The following WDR19 variants were observed in gnomAD, a reference collection of about 807,000 sequenced individuals.
WDR19 encodes WD repeat-containing protein 19.
A neutral mutation model predicts 180.0 loss-of-function variants in WDR19; 121 were observed. The observed-to-expected ratio is 0.67, with a 90% confidence interval of 0.58 to 0.78. The LOEUF (loss-of-function observed/expected upper bound fraction) is 0.78. Ranked by LOEUF, WDR19 falls within the 30% of genes least tolerant of loss-of-function variation. WDR19 has a pLI of 0.00. For missense variants in WDR19, 1,450 were observed against 1,640.7 expected (o/e 0.88, Z 2.01); for synonymous variants, 497 against 540.7 (o/e 0.92, Z 1.12).
At chr4:39,187,205 G>A (rs866440508) in intron 3 of WDR19, among the ~76,000 whole-genome samples, 44 of 152,128 alleles carry the variant, frequency 2.9e-4, no homozygotes, top group African/African-American at 9.2e-4. Context: ...TGGATCATGA[G>A]GTCAGGAGAT....
At chr4:39,191,897 C>T (rs1196158943) in intron 4 of WDR19, among the ~76,000 whole-genome samples, 1 of 152,114 alleles carries the variant, frequency 6.6e-6, no homozygotes, top group Non-Finnish European at 1.5e-5. Flanking sequence ...TTTTGCTTGG[C>T]CAGAGATACA....
At chr4:39,250,513 T>G (rs1439382294) in intron 24 of WDR19, among the ~76,000 whole-genome samples, 1 of 152,028 alleles carries the variant, frequency 6.6e-6, no homozygotes, top group Non-Finnish European at 1.5e-5. Flanking sequence ...CCAGGGCAAT[T>G]AGGCAGGAGA....
chr4:39,250,612 C>T (rs1052952459), intron 24 of WDR19, among the ~76,000 whole-genome samples: 9 of 152,116 alleles, frequency 5.9e-5, no homozygotes, highest in Non-Finnish European at 1.0e-4. Flanking sequence ...AAAACCCCAT[C>T]GTCTCAGCCC....
intron 5 of WDR19, among the ~76,000 whole-genome samples, chr4:39,198,936 T>C (rs1017710352): frequency 1.3e-5 from 2 of 149,626 alleles, no homozygotes; most frequent in Non-Finnish European, 3.0e-5. Context: ...AGGCAAAGGT[T>C]GCAATGAGCC....
At chr4:39,191,968 T>A (rs1030551811) in intron 4 of WDR19, among the ~76,000 whole-genome samples, 9 of 152,240 alleles carry the variant, frequency 5.9e-5, no homozygotes, top group African/African-American at 1.9e-4. Context: ...TATGCTTTAG[T>A]ATCATATTGT....
Position 39,267,976 on chromosome 4 carries a change from A to T in WDR19, c.3262-19A>T. 1 of 1,581,160 alleles carries T rather than the reference A, an allele frequency of 6.3e-7. No homozygotes were observed. The highest frequency in any genetic ancestry group is 1.2e-5 in the South Asian group (1 of 86,204). On this transcript the variant is annotated intron_variant, in intron 29 of 36. Coordinates refer to ENST00000399820, the MANE Select transcript of WDR19 (RefSeq NM_025132.4). ...AGCTAATGAAGAAAGTAATGTTTCTATAATGGTTTATGTGTCAGGATGCCA... is the reference window on the plus strand; with the variant it reads ...AGCTAATGAAGAAAGTAATGTTTCTTTAATGGTTTATGTGTCAGGATGCCA...
In WDR19 at chr4:39,230,821, G is replaced by A. The variant is rs571248289; in HGVS notation, c.1983-976G>A. Among the ~76,000 whole-genome samples, 4 of 152,312 alleles carry A rather than the reference G, an allele frequency of 2.6e-5. 1 individual carries two copies. In the East Asian group the frequency reaches 7.7e-4, roughly 29 times the overall value. ...TGGATGAATGAATAGATAGATGGAT[G>A]TAATATATTCACTCATGTAGAGGTT... On this transcript the variant is annotated intron_variant, in intron 17 of 36. Coordinates refer to ENST00000399820, the MANE Select transcript of WDR19 (RefSeq NM_025132.4).
chr4:39,260,217 C>T (rs1734148320), intron 28 of WDR19, among the ~76,000 whole-genome samples: 2 of 151,994 alleles, frequency 1.3e-5, no homozygotes, highest in Admixed American at 1.3e-4. Flanking sequence ...TTCCCACTAA[C>T]TAGTAGTTAA....
intron 28 of WDR19, among the ~76,000 whole-genome samples, chr4:39,259,142 C>G (rs1734039752): frequency 6.6e-6 from 1 of 152,134 alleles, no homozygotes; most frequent in African/African-American, 2.4e-5. Flanking sequence ...ACGTTTTCTT[C>G]TAGTAGTTTG....
At chr4:39,212,346 A>G (rs1420201677) in intron 9 of WDR19, among the ~76,000 whole-genome samples, 3 of 152,260 alleles carry the variant, frequency 2.0e-5, no homozygotes, top group Admixed American at 2.0e-4. Context: ...ACTTAAATAT[A>G]AAATATAAAA....
At chr4:39,278,810 T>C (rs1299586119) in intron 36 of WDR19, 147 bp downstream of exon 36, 1 of 334,106 alleles carries the variant, frequency 3.0e-6, no homozygotes, top group Non-Finnish European at 4.9e-6. Context: ...TTTGATGTAT[T>C]TTTTTTAATG....
At chr4:39,243,683 C>T (rs1159360155) in intron 21 of WDR19, among the ~76,000 whole-genome samples, 2 of 152,164 alleles carry the variant, frequency 1.3e-5, no homozygotes, top group Non-Finnish European at 1.5e-5. Context: ...GCTACCATAT[C>T]GGACAGGGCA....
chr4:39,221,335 TAA>T (rs1372699112), intron 14 of WDR19, among the ~76,000 whole-genome samples: 1 of 152,212 alleles, frequency 6.6e-6, no homozygotes, highest in East Asian at 1.9e-4. Flanking sequence ...GAACTTAAAC[TAA>T]GATTTCCTGA....
intron 15 of WDR19, among the ~76,000 whole-genome samples, chr4:39,225,561 C>G (rs1730162841): frequency 6.6e-6 from 1 of 152,148 alleles, no homozygotes; most frequent in African/African-American, 2.4e-5. Flanking sequence ...AGGAGATGTG[C>G]CTTTACATTA....
intron 14 of WDR19, chr4:39,218,917 C>T (rs1729370803): frequency 6.6e-6 from 1 of 152,020 alleles, no homozygotes; most frequent in African/African-American, 2.4e-5. Context: ...GACACAAACA[C>T]ACACATTAGT....
intron 24 of WDR19, among the ~76,000 whole-genome samples, chr4:39,249,028 C>T (rs1215307111): frequency 5.3e-5 from 8 of 152,184 alleles, no homozygotes; most frequent in African/African-American, 1.7e-4. Context: ...CAGAACTCTC[C>T]ACCCCAAATC....
intron 36 of WDR19, among the ~76,000 whole-genome samples, chr4:39,282,645 A>T (rs7680452): frequency 6.6e-6 from 1 of 151,894 alleles, no homozygotes; most frequent in Non-Finnish European, 1.5e-5. Context: ...TAATCCACCC[A>T]CCTCGGCCTC....
At chr4:39,279,506 G>C (rs1455305684) in intron 36 of WDR19, among the ~76,000 whole-genome samples, 1 of 152,178 alleles carries the variant, frequency 6.6e-6, no homozygotes, top group Non-Finnish European at 1.5e-5. Context: ...GTCTGTCCAT[G>C]AACAGGCCCA....
chr4:39,250,706 A>G (rs748266355), intron 24 of WDR19, among the ~76,000 whole-genome samples: 5 of 152,206 alleles, frequency 3.3e-5, no homozygotes, highest in African/African-American at 4.8e-5. Context: ...ATTCTTATAC[A>G]CCAATAACAG....
Sources: allele counts gnomAD v4.1 joint callset (sites outside exome capture counted in the v4.1 genomes callset), GRCh38; gene constraint gnomAD v4.1.1; transcripts MANE v1.5; gene names NCBI Gene and HGNC (gene_info 2026-07-23, HGNC 2026-07-21).